LRRC39: variants seen among roughly 807,000 people sequenced by gnomAD.
LRRC39 encodes the protein leucine-rich repeat-containing protein 39.
In LRRC39, 35 loss-of-function variants were observed where a neutral mutation model predicts 39.7. The observed-to-expected ratio is 0.88, with a 90% CI of 0.67 to 1.17. The LOEUF is 1.17. Among genes scored for constraint, LRRC39 ranks in the 50% most tolerant of loss-of-function variants. LRRC39 has a pLI of 0.00. For synonymous variants in LRRC39, 113 were observed against 134.1 expected (o/e 0.84, Z 1.09); for missense variants, 357 against 385.8 (o/e 0.93, Z 0.62).
intron 3 of LRRC39, among the ~76,000 whole-genome samples, chr1:100,163,067 G>C (rs1381747906): frequency 2.0e-5 from 3 of 152,164 alleles, no homozygotes; most frequent in Admixed American, 1.3e-4. Context: ...TGTGGCAGTG[G>C]GATATGTGTG....
rs574661574 is a variant in LRRC39 at position 100,148,820 on chromosome 1, A to G, written c.*222T>C. The G allele has an allele frequency of 3.0e-5, 44 of 1,452,404 alleles. No individual in the cohort carries two copies. In the South Asian group the frequency reaches 7.3e-4, roughly 24 times the overall value. 90.0% of individuals were successfully genotyped at this position (1,452,404 alleles called of 1,614,324 possible). A position where few individuals can be genotyped will look rare whatever the true frequency, so the allele number is the denominator to read the frequency against. ...CTTCATCACCAGAAACAACTGCTTA[A>G]TGGAAAAGAAATTTGAGCATCATCT... On this transcript the variant is annotated 3_prime_UTR_variant, in exon 10 of 10. Coordinates refer to ENST00000370137, the MANE Select transcript of LRRC39 (RefSeq NM_144620.4).
At position 100,148,686 on chromosome 1, in the gene LRRC39, G is replaced by T; in HGVS notation, c.*356C>A. 1 of 1,613,186 alleles carries T rather than the reference G, an allele frequency of 6.2e-7. No homozygotes were observed. The highest frequency in any genetic ancestry group is 8.5e-7 in the Non-Finnish European group (1 of 1,179,750). On this transcript the variant is annotated 3_prime_UTR_variant, in exon 10 of 10. Transcript: ENST00000370137. Reference sequence around the variant, plus strand: ...TCTTTGTAAATTGCTGATTGACCAAGGTCGAATCCAGTATTTGCAGCAGAA... The same window carrying T: ...TCTTTGTAAATTGCTGATTGACCAATGTCGAATCCAGTATTTGCAGCAGAA...
At chr1:100,161,370 T>A (rs1012315676) in intron 3 of LRRC39, among the ~76,000 whole-genome samples, 1 of 152,246 alleles carries the variant, frequency 6.6e-6, no homozygotes, top group Non-Finnish European at 1.5e-5. Flanking sequence ...TTGTGTCTGC[T>A]TATTTCACTT....
rs1391251479 is a variant in LRRC39 at position 100,152,487 on chromosome 1, C to T, written c.850G>A (p.Val284Ile). ...GTGCCTTCACTGGGAGGAAGTGATA[C>T]TTTCAATTTCAGTGGGTTGTCTCTG... ...NFRDNPLKLK[V>I]SLPPSEGTDE... Residue 284 changes from valine to isoleucine, a missense_variant, in exon 9 of 10, where the codon GTA becomes ATA. Coordinates refer to ENST00000370137, the MANE Select transcript of LRRC39 (RefSeq NM_144620.4). 3 of 1,613,842 alleles carry T rather than the reference C, an allele frequency of 1.9e-6. No homozygotes were observed. Among genetic ancestry groups the T allele is most frequent in the Non-Finnish European group, 2.5e-6 (3 of 1,179,974 alleles).
In LRRC39 at chr1:100,156,178, A is replaced by G. The variant is rs550288285; in HGVS notation, c.653T>C (p.Ile218Thr). 1.9e-6 allele frequency: 3 copies of G among 1,612,662 alleles called. No individual in the cohort carries two copies. The highest frequency in any genetic ancestry group is 1.7e-5 in the Admixed American group (1 of 59,730). The change falls in exon 7 of 10, where the codon ATA (isoleucine) becomes ACA (threonine). Residue 218 changes from isoleucine (I) to threonine (T), a missense_variant. By Grantham distance (89) the Ile-to-Thr change is moderately conservative. Coordinates refer to ENST00000370137, the MANE Select transcript of LRRC39 (RefSeq NM_144620.4). ...SNKLEQLPDT[I>T]ERMQNLHTLW... ...AAAGAGTTATTTCTTTTACCTTTCTATAGTATCAGGAAGTTGTTCAAGTTT... is the reference window on the plus strand; with the variant it reads ...AAAGAGTTATTTCTTTTACCTTTCTGTAGTATCAGGAAGTTGTTCAAGTTT...
rs180886196 is a variant in LRRC39 at position 100,152,822 on chromosome 1, G to T, written c.813-298C>A. ...ACTCATGGCACCCTCCACCTCCCGG[G>T]TTCAAGTGATTCTTGTGCTTCAGCC... On this transcript the variant is annotated intron_variant, in intron 8 of 9. Transcript: ENST00000370137. 7.4e-4 allele frequency among the ~76,000 whole-genome samples: 112 copies of T among 152,268 alleles called. 1 individual carries two copies. The highest frequency in any genetic ancestry group is 2.6e-3 in the African/African-American group (109 of 41,550).
chr1:100,177,283 C>T (rs930314581), intron 1 of LRRC39, among the ~76,000 whole-genome samples: 1 of 152,070 alleles, frequency 6.6e-6, no homozygotes, highest in Non-Finnish European at 1.5e-5. Context: ...AGAGAGGAAT[C>T]GGATAGATAA....
At chr1:100,155,270 A>G in intron 7 of LRRC39, 67 bp from the exon 8 acceptor site, 1 of 1,359,758 alleles carries the variant, frequency 7.4e-7, no homozygotes, top group Non-Finnish European at 9.7e-7. Context: ...GAGTTTTAAC[A>G]AATAATTTTA....
chr1:100,178,758 T>C (rs1244402617), upstream of LRRC39, among the ~76,000 whole-genome samples: 1 of 152,146 alleles, frequency 6.6e-6, no homozygotes. Context: ...AAACTATATC[T>C]TTTTTTGAAT....
At chr1:100,149,333 CAATT>C in intron 9 of LRRC39, 2 of 1,541,946 alleles carry the variant, frequency 1.3e-6, no homozygotes, top group Non-Finnish European at 1.7e-6. Context: ...GAGATATTCA[CAATT>C]AATAAACACA....
intron 2 of LRRC39, among the ~76,000 whole-genome samples, chr1:100,171,385 C>A (rs938385724): frequency 4.0e-5 from 6 of 151,650 alleles, no homozygotes; most frequent in Admixed American, 1.3e-4. Context: ...ATTAAAGTAG[C>A]ATGAAGTTTT....
At chr1:100,174,063 G>A (rs1441740034) in intron 1 of LRRC39, among the ~76,000 whole-genome samples, 2 of 152,152 alleles carry the variant, frequency 1.3e-5, no homozygotes, top group African/African-American at 4.8e-5. Context: ...AAGGAGAGGA[G>A]CAACCTGACA....
intron 2 of LRRC39, among the ~76,000 whole-genome samples, chr1:100,173,058 A>T (rs1018631242): frequency 4.6e-5 from 7 of 151,094 alleles, no homozygotes; most frequent in Admixed American, 1.3e-4. Context: ...AAAAAAATAA[A>T]AATAAAATAA....
intron 3 of LRRC39, among the ~76,000 whole-genome samples, chr1:100,163,704 AT>A (rs1233051755): frequency 2.0e-5 from 3 of 151,792 alleles, no homozygotes. Context: ...AAGCACTGGG[AT>A]TACAGGTGTG....
upstream of LRRC39, among the ~76,000 whole-genome samples, chr1:100,178,971 A>G (rs1315555263): frequency 1.3e-5 from 2 of 152,168 alleles, no homozygotes; most frequent in Non-Finnish European, 2.9e-5. Context: ...ATATCCCTTA[A>G]AAGCACACAT....
Position 100,158,371 on chromosome 1 carries a change from T to C in LRRC39, c.377-4A>G, listed in dbSNP as rs1413915048. ...TCCTGAAGTCTAGTAAGCAGTCCTA[T>C]AAAAAATAATATACAATAGAGAGGA... On this transcript the variant is annotated splice_polypyrimidine_tract_variant and splice_region_variant and intron_variant, in intron 5 of 9. Transcript: ENST00000370137. 1 of 1,608,126 alleles carries C rather than the reference T, an allele frequency of 6.2e-7. No homozygotes were observed. Among genetic ancestry groups the C allele is most frequent in the East Asian group, 2.2e-5 (1 of 44,814 alleles).
rs1657657588 is a variant in LRRC39 at position 100,148,978 on chromosome 1, C to A, written c.*64G>T. 1 of 1,395,448 alleles carries A rather than the reference C, an allele frequency of 7.2e-7. No homozygotes were observed. Among genetic ancestry groups the A allele is most frequent in the East Asian group, 2.5e-5 (1 of 39,222 alleles). 86.4% of individuals were successfully genotyped at this position (1,395,448 alleles called of 1,614,324 possible). A position where few individuals can be genotyped will look rare whatever the true frequency, so the allele number is the denominator to read the frequency against. ...TTGGTAATAGCTTTTCTTTTTACTT[C>A]AGAAATCCAAACATTAGAGAATTCA... is the stretch of plus-strand genomic sequence containing the variant. On this transcript the variant is annotated 3_prime_UTR_variant, in exon 10 of 10. Coordinates refer to ENST00000370137, the MANE Select transcript of LRRC39 (RefSeq NM_144620.4).
At chr1:100,167,646 G>C (rs1055665617) in intron 3 of LRRC39, among the ~76,000 whole-genome samples, 1 of 151,926 alleles carries the variant, frequency 6.6e-6, no homozygotes, top group Non-Finnish European at 1.5e-5. Flanking sequence ...GTGGTGGCAT[G>C]CGCCTGTAAT....
chr1:100,157,346 T>C (rs1172566785), intron 6 of LRRC39, among the ~76,000 whole-genome samples: 1 of 152,126 alleles, frequency 6.6e-6, no homozygotes, highest in African/African-American at 2.4e-5. Flanking sequence ...TGGTTCTCAT[T>C]CTCTCTTCCC....
Sources: gnomAD v4.1 joint callset for allele counts (sites outside exome capture counted in the v4.1 genomes callset) on GRCh38, gnomAD v4.1.1 for gene constraint, MANE v1.5 for transcripts, NCBI Gene and HGNC (gene_info 2026-07-23, HGNC 2026-07-21) for gene names.